IL15: variants seen among roughly 807,000 people sequenced by gnomAD.
IL15 encodes the protein interleukin 15.
Under a neutral mutation model 19.6 loss-of-function variants are expected in IL15, and 11 were observed. The ratio of observed to expected loss-of-function variants is 0.56; its 90% CI spans 0.35 to 0.93. The LOEUF is 0.93. Among genes scored for constraint, IL15 ranks in the 40% least tolerant of loss-of-function variants. The probability of loss-of-function intolerance (pLI) is 0.01; values close to 1 mark genes in which losing one functional copy is unlikely to be tolerated. For missense variants in IL15, 197 were observed against 186.5 expected (o/e 1.06, Z -0.33); for synonymous variants, 58 against 59.6 (o/e 0.97, Z 0.12).
At chr4:141,697,249 C>T (rs1326716038) in intron 2 of IL15, among the ~76,000 whole-genome samples, 2 of 152,046 alleles carry the variant, frequency 1.3e-5, no homozygotes, top group African/African-American at 4.8e-5. Context: ...TTTCCCAGCA[C>T]TATTTATTGA....
intron 2 of IL15, among the ~76,000 whole-genome samples, chr4:141,692,810 C>T (rs770524475): frequency 6.6e-6 from 1 of 151,864 alleles, no homozygotes; most frequent in Non-Finnish European, 1.5e-5. Context: ...TTCACATCTG[C>T]CTGTCTTCTT....
intron 2 of IL15, among the ~76,000 whole-genome samples, chr4:141,713,221 G>A (rs1363514897): frequency 6.6e-6 from 1 of 152,154 alleles, no homozygotes; most frequent in Non-Finnish European, 1.5e-5. Context: ...ATGATAGGAA[G>A]ATTGGAGATG....
intron 2 of IL15, among the ~76,000 whole-genome samples, chr4:141,679,396 A>C (rs1258377664): frequency 6.6e-6 from 1 of 152,202 alleles, no homozygotes; most frequent in African/African-American, 2.4e-5. Flanking sequence ...ATATGTGTAA[A>C]TATTATAGTA....
At chr4:141,692,115 G>A (rs1384809953) in intron 2 of IL15, among the ~76,000 whole-genome samples, 1 of 152,230 alleles carries the variant, frequency 6.6e-6, no homozygotes, top group Non-Finnish European at 1.5e-5. Flanking sequence ...CAAGGCTTGG[G>A]ACTTGCACCC....
intron 7 of IL15, among the ~76,000 whole-genome samples, chr4:141,731,157 C>G (rs183972129): frequency 6.6e-6 from 1 of 152,264 alleles, no homozygotes; most frequent in African/African-American, 2.4e-5. Context: ...TCTAAAAATA[C>G]AAGACTGCTT....
At chr4:141,694,613 G>T (rs752928205) in intron 2 of IL15, among the ~76,000 whole-genome samples, 1 of 152,282 alleles carries the variant, frequency 6.6e-6, no homozygotes, top group East Asian at 1.9e-4. Context: ...TTCTTAGACC[G>T]TCTTTTTCCT....
intron 2 of IL15, among the ~76,000 whole-genome samples, chr4:141,674,177 G>C (rs1728266112): frequency 6.6e-6 from 1 of 152,046 alleles, no homozygotes; most frequent in Admixed American, 6.5e-5. Context: ...GTGGGGATTT[G>C]GTTTTTGGTT....
intron 2 of IL15, among the ~76,000 whole-genome samples, chr4:141,681,504 C>T (rs1728531277): frequency 6.6e-6 from 1 of 152,144 alleles, no homozygotes; most frequent in Admixed American, 6.5e-5. Flanking sequence ...CTCATGATAG[C>T]ACAGGTTCTA....
intron 2 of IL15, among the ~76,000 whole-genome samples, chr4:141,711,007 G>T (rs980830936): frequency 6.6e-6 from 1 of 151,892 alleles, no homozygotes; most frequent in Non-Finnish European, 1.5e-5. Context: ...CTAGCATTGC[G>T]ACTGATGATA....
chr4:141,733,038 CTA>C lies in IL15; in HGVS notation c.*192_*193del. 1.5e-6 allele frequency: 1 copy of C among 667,092 alleles called. No individual in the cohort carries two copies. Among genetic ancestry groups the C allele is most frequent in the Non-Finnish European group, 2.2e-6 (1 of 461,288 alleles). 41.3% of individuals were successfully genotyped at this position (667,092 alleles called of 1,614,324 possible). A position where few individuals can be genotyped will look rare whatever the true frequency, so the allele number is the denominator to read the frequency against. On this transcript the variant is annotated 3_prime_UTR_variant, in exon 8 of 8. Transcript: ENST00000320650. Reference sequence around the variant, plus strand: ...AAAATGTCATTGAGTAATATAGTGACTATGAACTTCTCTCAGACTTACTTTAC... The same window carrying C: ...AAAATGTCATTGAGTAATATAGTGACTGAACTTCTCTCAGACTTACTTTAC...
At chr4:141,674,943 G>T (rs1165338288) in intron 2 of IL15, among the ~76,000 whole-genome samples, 4 of 151,514 alleles carry the variant, frequency 2.6e-5, no homozygotes, top group Non-Finnish European at 4.4e-5. Context: ...TTCTACTTGG[G>T]GTCTCTGAAG....
At chr4:141,703,000 C>T (rs993351596) in intron 2 of IL15, among the ~76,000 whole-genome samples, 9 of 152,162 alleles carry the variant, frequency 5.9e-5, no homozygotes, top group Admixed American at 2.0e-4. Context: ...GTATAACTGC[C>T]TCTGCTATGC....
chr4:141,643,912 G>T (rs985067217), intron 1 of IL15, among the ~76,000 whole-genome samples: 6 of 151,488 alleles, frequency 4.0e-5, no homozygotes, highest in African/African-American at 4.9e-5. Context: ...CTGGATTCCT[G>T]CCTTTACTGC....
At chr4:141,637,911 A>T (rs1044101724) in intron 1 of IL15, among the ~76,000 whole-genome samples, 2 of 152,178 alleles carry the variant, frequency 1.3e-5, no homozygotes, top group Non-Finnish European at 2.9e-5. Flanking sequence ...TAAACTGGTG[A>T]TTATGCATCC....
chr4:141,682,113 T>C (rs1381970804), intron 2 of IL15, among the ~76,000 whole-genome samples: 1 of 152,248 alleles, frequency 6.6e-6, no homozygotes, highest in Non-Finnish European at 1.5e-5. Flanking sequence ...TTTGTTTTTG[T>C]AGCGTGCCTG....
intron 3 of IL15, 36 bp downstream of exon 3, chr4:141,719,512 T>G (rs760699611): frequency 1.5e-6 from 2 of 1,336,004 alleles, no homozygotes; most frequent in South Asian, 2.5e-5. Context: ...TCCTATGGAA[T>G]TTCCCTTAAA....
At chr4:141,708,483 C>T (rs1397558189) in intron 2 of IL15, among the ~76,000 whole-genome samples, 1 of 152,120 alleles carries the variant, frequency 6.6e-6, no homozygotes, top group Non-Finnish European at 1.5e-5. Flanking sequence ...TGCAGCTGTA[C>T]AAACTTCTGG....
At chr4:141,727,880 TCTC>T in intron 5 of IL15, 57 bp from the exon 6 acceptor site, 1 of 759,940 alleles carries the variant, frequency 1.3e-6, no homozygotes, top group Non-Finnish European at 2.3e-6. Flanking sequence ...AGTAGGTTGT[TCTC>T]ATAATATTTA....
At chr4:141,696,994 G>A (rs1198125788) in intron 2 of IL15, among the ~76,000 whole-genome samples, 3 of 151,982 alleles carry the variant, frequency 2.0e-5, no homozygotes, top group Non-Finnish European at 4.4e-5. Context: ...TTCTCTTGCT[G>A]TGCAGAAGCT....
Sources: allele counts gnomAD v4.1 joint callset (sites outside exome capture counted in the v4.1 genomes callset), GRCh38; gene constraint gnomAD v4.1.1; transcripts MANE v1.5; gene names NCBI Gene and HGNC (gene_info 2026-07-23, HGNC 2026-07-21).